Variants in LYRM7 observed in about 807,000 individuals in gnomAD.
LYRM7 encodes the protein complex III assembly factor LYRM7.
Under a neutral mutation model 15.8 loss-of-function variants are expected in LYRM7, and 9 were observed. That is an observed-to-expected ratio of 0.57 (90% CI 0.34 to 0.99). The LOEUF is 0.99. LYRM7 is among the 50% of genes least tolerant of loss of function. The probability of loss-of-function intolerance (pLI) is 0.02; values close to 1 mark genes in which losing one functional copy is unlikely to be tolerated. For synonymous variants in LYRM7, 39 were observed against 39.4 expected, an observed-to-expected ratio of 0.99 and a Z score of 0.04; for missense variants, 115 against 119.1, an observed-to-expected ratio of 0.97 and a Z score of 0.16.
intron 1 of LYRM7, among the ~76,000 whole-genome samples, chr5:131,172,688 G>A (rs1368793999): frequency 6.6e-6 from 1 of 152,090 alleles, no homozygotes. Context: ...GTGACAACAA[G>A]ATCCTACGTC....
chr5:131,174,079 C>T (rs911114745), intron 1 of LYRM7, among the ~76,000 whole-genome samples: 1 of 152,224 alleles, frequency 6.6e-6, no homozygotes, highest in South Asian at 2.1e-4. Context: ...CCTCTCAACC[C>T]CAGCCACTAC....
In LYRM7 at chr5:131,181,316, T is replaced by TATATAC. The variant is rs1208669077; in HGVS notation, c.92-912_92-911insTATACA. Among the ~76,000 whole-genome samples the TATATAC allele has an allele frequency of 8.7e-4, 24 of 27,630 alleles. 3 individuals are homozygous for TATATAC. Among genetic ancestry groups the TATATAC allele is most frequent in the East Asian group, 3.5e-3 (4 of 1,156 alleles). The allele number at this position is 27,630 out of a possible 152,430, so 18.1% of individuals were successfully genotyped here. A position where few individuals can be genotyped will look rare whatever the true frequency, so the allele number is the denominator to read the frequency against. Reference sequence around the variant, plus strand: ...AAAAAAAAAAAAATATATATATATATACACACACACACACATATATATAAC... The same window carrying TATATAC: ...AAAAAAAAAAAAATATATATATATATATATACACACACACACACACATATATATAAC... On this transcript the variant is annotated intron_variant, in intron 2 of 4. Coordinates refer to ENST00000379380, the MANE Select transcript of LYRM7 (RefSeq NM_181705.4).
chr5:131,179,739 C>G lies in LYRM7; in HGVS notation c.19-356C>G, dbSNP rs576309206. On this transcript the variant is annotated intron_variant, in intron 1 of 4. Coordinates refer to ENST00000379380, the MANE Select transcript of LYRM7 (RefSeq NM_181705.4). Reference sequence around the variant, plus strand: ...TCACCTGAGGTCAGGAGCTCAAGACCAGCCTGGACAACATGGTGAAACCTT... The same window carrying G: ...TCACCTGAGGTCAGGAGCTCAAGACGAGCCTGGACAACATGGTGAAACCTT... Among the ~76,000 whole-genome samples the G allele has an allele frequency of 1.9e-3, 289 of 152,090 alleles. 2 individuals are homozygous for G. Among genetic ancestry groups the G allele is most frequent in the African/African-American group, 6.4e-3 (265 of 41,490 alleles).
chr5:131,181,020 G>A (rs1354312150), intron 2 of LYRM7, among the ~76,000 whole-genome samples: 2 of 151,600 alleles, frequency 1.3e-5, no homozygotes, highest in Non-Finnish European at 2.9e-5. Flanking sequence ...GCTGGGCTCA[G>A]TGGCTCACTC....
At position 131,200,516 on chromosome 5, in the gene LYRM7, T is replaced by C. The variant is rs1469783731; in HGVS notation, c.*915T>C. ...GTTTAATATTCTTCTTGTTTCTCTT[T>C]TATCTGTGTATCTTTGCCATTCTAT... is the stretch of plus-strand genomic sequence containing the variant. On this transcript the variant is annotated 3_prime_UTR_variant, in exon 5 of 5. Coordinates refer to ENST00000379380, the MANE Select transcript of LYRM7 (RefSeq NM_181705.4). 2 of 152,398 alleles carry C rather than the reference T, an allele frequency of 1.3e-5. No homozygotes were observed. Among genetic ancestry groups the C allele is most frequent in the East Asian group, 3.7e-4 (2 of 5,340 alleles). 9.4% of individuals were successfully genotyped at this position (152,398 alleles called of 1,614,324 possible).
At chr5:131,180,444 A>G (rs1379990249) in intron 2 of LYRM7, among the ~76,000 whole-genome samples, 2 of 152,200 alleles carry the variant, frequency 1.3e-5, no homozygotes, top group Non-Finnish European at 2.9e-5. Flanking sequence ...TATTCAAGCC[A>G]TTGAACTTTC....
chr5:131,181,649 TC>T (rs1173796717), intron 2 of LYRM7, among the ~76,000 whole-genome samples: 1 of 151,566 alleles, frequency 6.6e-6, no homozygotes, highest in Non-Finnish European at 1.5e-5. Context: ...CATTAAACGC[TC>T]ACAGCAGCAC....
intron 4 of LYRM7, among the ~76,000 whole-genome samples, chr5:131,194,752 G>A (rs772721560): frequency 1.3e-5 from 2 of 152,100 alleles, no homozygotes; most frequent in Admixed American, 6.5e-5. Context: ...GGCACCCCAC[G>A]AGAGAGCAGC....
intron 1 of LYRM7, among the ~76,000 whole-genome samples, chr5:131,173,837 A>T (rs1755559747): frequency 6.6e-6 from 1 of 152,226 alleles, no homozygotes; most frequent in South Asian, 2.1e-4. Context: ...GCTTTCAGAA[A>T]GTTGTAATCT....
chr5:131,181,452 AAAAC>A (rs1755710196), intron 2 of LYRM7, among the ~76,000 whole-genome samples: 2 of 126,962 alleles, frequency 1.6e-5, no homozygotes, highest in Non-Finnish European at 3.1e-5. Flanking sequence ...ATATATATAT[AAAAC>A]ATATATATGT....
chr5:131,184,802 C>T (rs1194894255), intron 3 of LYRM7, among the ~76,000 whole-genome samples: 8 of 152,056 alleles, frequency 5.3e-5, no homozygotes, highest in Non-Finnish European at 1.2e-4. Context: ...TTTTCTCCTT[C>T]TCTGCCCTGC....
At chr5:131,180,229 G>A in intron 2 of LYRM7, 62 bp downstream of exon 2, 3 of 1,178,012 alleles carry the variant, frequency 2.5e-6, no homozygotes, top group Non-Finnish European at 3.8e-6. Flanking sequence ...TAATCTCTCT[G>A]AGAAACCCTG....
chr5:131,181,397 T>TTATA (rs57813127), intron 2 of LYRM7, among the ~76,000 whole-genome samples: 4 of 99,346 alleles, frequency 4.0e-5, no homozygotes, highest in South Asian at 2.6e-4. Flanking sequence ...TACATATATA[T>TTATA]TATATATACA....
chr5:131,197,846 C>CTGTGTGTG (rs56146861), intron 4 of LYRM7, among the ~76,000 whole-genome samples: 13,682 of 143,222 alleles, frequency 0.096, 762 homozygotes, highest in African/African-American at 0.15. Context: ...CATCTGGCCA[C>CTGTGTGTG]TGTGTGTGTG....
At chr5:131,181,495 T>G (rs556568246) in intron 2 of LYRM7, among the ~76,000 whole-genome samples, 26 of 141,036 alleles carry the variant, frequency 1.8e-4, no homozygotes, top group African/African-American at 6.5e-4. Flanking sequence ...TATGTATATA[T>G]ACACACACAC....
chr5:131,187,007 T>C (rs1260514757), intron 3 of LYRM7, 21 bp from the exon 4 acceptor site: 2 of 1,358,024 alleles, frequency 1.5e-6, no homozygotes, highest in Non-Finnish European at 2.1e-6. Flanking sequence ...ACTTACTCTA[T>C]TTGTTTGGTT....
At chr5:131,184,640 C>CGGGGGG (rs561008958) in intron 3 of LYRM7, among the ~76,000 whole-genome samples, 4 of 127,450 alleles carry the variant, frequency 3.1e-5, no homozygotes, top group African/African-American at 1.5e-4. Context: ...TTTTTTTTGG[C>CGGGGGG]GGGGGGGGGG....
chr5:131,172,665 C>G (rs778506847), intron 1 of LYRM7, among the ~76,000 whole-genome samples: 1 of 151,968 alleles, frequency 6.6e-6, no homozygotes, highest in Non-Finnish European at 1.5e-5. Flanking sequence ...CAAAGGTGAC[C>G]AGTCCAACAA....
intron 4 of LYRM7, among the ~76,000 whole-genome samples, chr5:131,198,731 T>A (rs529612310): frequency 6.7e-6 from 1 of 148,744 alleles, no homozygotes; most frequent in East Asian, 1.9e-4. Flanking sequence ...CACACCCAGC[T>A]GATTTTTTTT....
Sources: gnomAD v4.1 joint callset for allele counts (sites outside exome capture counted in the v4.1 genomes callset) on GRCh38, gnomAD v4.1.1 for gene constraint, MANE v1.5 for transcripts, NCBI Gene and HGNC (gene_info 2026-07-23, HGNC 2026-07-21) for gene names.